The following C1orf115 variants were observed in gnomAD, a reference collection of about 807,000 sequenced individuals.
C1orf115 encodes required for drug-induced death protein 1.
C1orf115 carries 14 observed loss-of-function variants against 12.5 expected under a neutral mutation model. That is an observed-to-expected ratio of 1.12 (90% CI 0.74 to 1.75). The LOEUF is 1.75. Ranked by LOEUF, C1orf115 falls within the 40% of genes most tolerant of loss-of-function variation. The pLI, the probability that C1orf115 is intolerant of heterozygous loss-of-function variation, is 0.00. For synonymous variants in C1orf115, 109 were observed against 104.6 expected (o/e 1.04, Z -0.26); for missense variants, 237 against 220.8 (o/e 1.07, Z -0.46).
intron 1 of C1orf115, 50 bp downstream of exon 1, chr1:220,690,761 G>T: frequency 6.5e-7 from 1 of 1,533,322 alleles, no homozygotes; most frequent in South Asian, 1.2e-5. Flanking sequence ...GTGGTGTCCC[G>T]CGGGGGAGCG....
Position 220,697,646 on chromosome 1 carries a change from C to T in C1orf115, c.*915C>T, listed in dbSNP as rs2102518875. On this transcript the variant is annotated 3_prime_UTR_variant, in exon 2 of 2. Transcript: ENST00000294889. This position sits in a 1 kb window ranked among gnomAD's most constrained non-coding sequence, Gnocchi z 4.5. ...CTCTCTGCCAGTCCAACTAAGAGTG[C>T]TTTGTCCTGGGTGGGACATAGGGGC... 1 of 152,542 alleles carries T rather than the reference C, an allele frequency of 6.6e-6. No individual in the cohort carries two copies. The highest frequency in any genetic ancestry group is 2.4e-5 in the African/African-American group (1 of 41,594). 9.4% of individuals were successfully genotyped at this position (152,542 alleles called of 1,614,324 possible).
At chr1:220,691,930 C>G (rs1489173955) in intron 1 of C1orf115, among the ~76,000 whole-genome samples, 1 of 152,206 alleles carries the variant, frequency 6.6e-6, no homozygotes, top group Non-Finnish European at 1.5e-5. Context: ...CCCCCCGCCC[C>G]CGGGGGGGCT....
At chr1:220,694,806 G>C (rs1262150259) in intron 1 of C1orf115, among the ~76,000 whole-genome samples, 5 of 152,168 alleles carry the variant, frequency 3.3e-5, no homozygotes. Flanking sequence ...GATACTTGTA[G>C]TCATTAGAAA....
chr1:220,694,631 A>G (rs930465113), intron 1 of C1orf115, among the ~76,000 whole-genome samples: 3 of 152,200 alleles, frequency 2.0e-5, no homozygotes, highest in Non-Finnish European at 4.4e-5. Flanking sequence ...CTGATAGACA[A>G]AGGCCACCAG....
intron 1 of C1orf115, among the ~76,000 whole-genome samples, chr1:220,695,650 T>C (rs1274051430): frequency 2.6e-5 from 4 of 151,918 alleles, no homozygotes; most frequent in Non-Finnish European, 4.4e-5. Context: ...TTCATCCTAC[T>C]GGACAGATGT....
Position 220,696,917 on chromosome 1 carries a change from C to A in C1orf115, c.*186C>A. ...TGCCCATCTGCTGAGCTTCTCACAT[C>A]TCTCAGTCACACGTGGACCCAGTGG... On this transcript the variant is annotated 3_prime_UTR_variant, in exon 2 of 2. Coordinates refer to ENST00000294889, the MANE Select transcript of C1orf115 (RefSeq NM_024709.5). 1 of 705,238 alleles carries A rather than the reference C, an allele frequency of 1.4e-6. No homozygotes were observed. Among genetic ancestry groups the A allele is most frequent in the Non-Finnish European group, 2.1e-6 (1 of 476,992 alleles). The allele number at this position is 705,238 out of a possible 1,614,324, so 43.7% of individuals were successfully genotyped here. A position where few individuals can be genotyped will look rare whatever the true frequency, so the allele number is the denominator to read the frequency against.
intron 1 of C1orf115, among the ~76,000 whole-genome samples, chr1:220,695,457 G>C (rs1460953475): frequency 1.3e-5 from 2 of 151,166 alleles, no homozygotes; most frequent in Admixed American, 6.6e-5. Context: ...GCTGTTGAGA[G>C]TGGTGGAAGG....
At position 220,696,704 on chromosome 1, in the gene C1orf115, C is replaced by T. The variant is rs199787129; in HGVS notation, c.402C>T (p.Ala134=). 6.9e-6 allele frequency: 11 copies of T among 1,598,732 alleles called. No individual in the cohort carries two copies. Among genetic ancestry groups the T allele is most frequent in the Non-Finnish European group, 9.4e-6 (11 of 1,167,152 alleles). The change falls in exon 2 of 2, where the codon GCC becomes GCT. Residue 134 remains alanine, a synonymous_variant. Transcript: ENST00000294889. Reference sequence around the variant, plus strand: ...CCTACTCCGCCCCGTTTGCGGTAGCCACCAGCGTGGTATCCTTCGTGCGCT... The same window carrying T: ...CCTACTCCGCCCCGTTTGCGGTAGCTACCAGCGTGGTATCCTTCGTGCGCT... ...AAAYSAPFAV[A]TSVVSFVR
Position 220,690,559 on chromosome 1 carries a change from AC to A in C1orf115, c.158del (p.Thr53ArgfsTer46). 6.8e-7 allele frequency: 1 copy of A among 1,475,632 alleles called. No homozygotes were observed. Among genetic ancestry groups the A allele is most frequent in the Non-Finnish European group, 8.9e-7 (1 of 1,118,136 alleles). The allele number at this position is 1,475,632 out of a possible 1,614,324, so 91.4% of individuals were successfully genotyped here. On this transcript the variant is annotated frameshift_variant, in exon 1 of 2. Coordinates refer to ENST00000294889, the MANE Select transcript of C1orf115 (RefSeq NM_024709.5). LOFTEE classifies it high-confidence loss of function. ...GGCGGAGGCGGCGGCCGAGAGCGGG[AC>A]GAGCGCGGCGGACGAGCGGGGCCCG... Reference protein sequence around the residue: ...DEAEAAAESGTSAADERGPGT... With the variant: ...DEAEAAAESGXSAADERGPGT...
chr1:220,690,803 T>C (rs1400589496), intron 1 of C1orf115, 92 bp downstream of exon 1: 2 of 1,434,188 alleles, frequency 1.4e-6, no homozygotes, highest in Non-Finnish European at 1.9e-6. Flanking sequence ...ACTCACCCAG[T>C]TTCTCCGGGC....
chr1:220,694,080 C>CAAAAAAA (rs11353067), intron 1 of C1orf115, among the ~76,000 whole-genome samples: 3 of 72,048 alleles, frequency 4.2e-5, no homozygotes, highest in African/African-American at 5.7e-5. Flanking sequence ...AACGCGGTCT[C>CAAAAAAA]AAAAAAAAAA....
intron 1 of C1orf115, among the ~76,000 whole-genome samples, chr1:220,693,869 A>G (rs963167438): frequency 1.3e-5 from 2 of 152,114 alleles, no homozygotes; most frequent in African/African-American, 2.4e-5. Flanking sequence ...ACCTGAGGTC[A>G]GGAGCTGGAA....
rs200566159 is a variant in C1orf115 at position 220,696,766 on chromosome 1, C to T, written c.*35C>T. ...CTGTGGCAGGTGCCCCCAGAGTGAA[C>T]GGGAGCCCCTGCTGTGGGAACTTTG... is the stretch of plus-strand genomic sequence containing the variant. On this transcript the variant is annotated 3_prime_UTR_variant, in exon 2 of 2. Transcript: ENST00000294889. 615 of 1,550,314 alleles carry T rather than the reference C, an allele frequency of 4.0e-4. 1 individual carries two copies. The African/African-American group carries it at 4.7e-3, about 12-fold the overall frequency.
At chr1:220,693,095 T>C (rs185279253) in intron 1 of C1orf115, among the ~76,000 whole-genome samples, 182 of 152,326 alleles carry the variant, frequency 1.2e-3, no homozygotes, top group African/African-American at 4.3e-3. Context: ...GACCCCTCTT[T>C]GTTCCCCGAG....
chr1:220,695,730 C>T (rs1360391260), intron 1 of C1orf115, among the ~76,000 whole-genome samples: 3 of 151,926 alleles, frequency 2.0e-5, no homozygotes, highest in Non-Finnish European at 4.4e-5. Flanking sequence ...TTAAGTTAAA[C>T]CAGTCTGAGT....
Position 220,696,983 on chromosome 1 carries a change from T to C in C1orf115, c.*252T>C. 2.7e-6 allele frequency: 1 copy of C among 373,686 alleles called. No homozygotes were observed. Among genetic ancestry groups the C allele is most frequent in the Non-Finnish European group, 4.6e-6 (1 of 216,532 alleles). The allele number at this position is 373,686 out of a possible 1,614,324, so 23.1% of individuals were successfully genotyped here. ...ATTCGGCGGAGGTTAGGTTTGGGAG[T>C]GGAGCTAGCGTGCTAAAGCCAGAGC... On this transcript the variant is annotated 3_prime_UTR_variant, in exon 2 of 2. Transcript: ENST00000294889.
In C1orf115 at chr1:220,697,445, G is replaced by A. The variant is rs1024509824; in HGVS notation, c.*714G>A. ...GGAAGAAGGGCAAGTTCAGATGCAG[G>A]CTGGGTGGCTGGGACAGGTTGGCTA... On this transcript the variant is annotated 3_prime_UTR_variant, in exon 2 of 2. Coordinates refer to ENST00000294889, the MANE Select transcript of C1orf115 (RefSeq NM_024709.5). The surrounding 1 kb of genome is among the most constrained non-coding windows in gnomAD (Gnocchi z 4.5). 6.6e-6 allele frequency: 1 copy of A among 152,512 alleles called. No homozygotes were observed. The allele number at this position is 152,512 out of a possible 1,614,324, so 9.4% of individuals were successfully genotyped here. A position where few individuals can be genotyped will look rare whatever the true frequency, so the allele number is the denominator to read the frequency against.
chr1:220,696,509 C>G (rs893612919), intron 1 of C1orf115, 103 bp from the exon 2 acceptor site: 77 of 1,306,650 alleles, frequency 5.9e-5, no homozygotes, highest in Non-Finnish European at 8.0e-5. Flanking sequence ...GAAAAATGAT[C>G]TTTATATATG....
Position 220,698,372 on chromosome 1 carries a change from C to A in C1orf115, c.*1641C>A, listed in dbSNP as rs1037332813. On this transcript the variant is annotated 3_prime_UTR_variant, in exon 2 of 2. Transcript: ENST00000294889. ...GCTTCACTTCCTGAAGCTTCAACTT[C>A]ATGTCGAAGATTCACTGGGACCCAA... 5 of 152,214 alleles carry A rather than the reference C, an allele frequency of 3.3e-5. No individual in the cohort carries two copies. The highest frequency in any genetic ancestry group is 7.3e-5 in the Non-Finnish European group (5 of 68,050). 9.4% of individuals were successfully genotyped at this position (152,214 alleles called of 1,614,324 possible). A position where few individuals can be genotyped will look rare whatever the true frequency, so the allele number is the denominator to read the frequency against.
Sources: gnomAD v4.1 joint callset for allele counts (sites outside exome capture counted in the v4.1 genomes callset) on GRCh38, gnomAD v4.1.1 for gene constraint, Gnocchi (gnomAD v3.1) non-coding constraint, MANE v1.5 for transcripts, NCBI Gene and HGNC (gene_info 2026-07-23, HGNC 2026-07-21) for gene names.